The following MRPS6 variants were observed in gnomAD, a reference collection of about 807,000 sequenced individuals.
MRPS6 encodes the protein mitochondrial ribosomal protein S6.
In MRPS6, 6 loss-of-function variants were observed where a neutral mutation model predicts 13.1. The ratio of observed to expected loss-of-function variants is 0.46; its 90% CI spans 0.25 to 0.91. The LOEUF (loss-of-function observed/expected upper bound fraction) is 0.91, where lower values mean the gene tolerates loss of function less well. MRPS6 is among the 40% of genes least tolerant of loss of function. MRPS6 has a pLI of 0.18. For missense variants in MRPS6, 164 were observed against 155.6 expected (o/e 1.05, Z -0.29); for synonymous variants, 61 against 56.5 (o/e 1.08, Z -0.36).
chr21:34,073,795 G>T, intron 1 of MRPS6, 50 bp downstream of exon 1: 6 of 1,366,544 alleles, frequency 4.4e-6, no homozygotes, highest in Non-Finnish European at 5.8e-6. Flanking sequence ...CGCCCCCGCT[G>T]CCGCTAGGCC....
Position 34,107,325 on chromosome 21 carries a change from CTA to C in MRPS6, c.46-18014_46-18013del, listed in dbSNP as rs533210545. ...CTGTTCCCTCATGATTAGATTCACA[CTA>C]TGCATTTTTGGCAGAAATACAAAAG... is the stretch of plus-strand genomic sequence containing the variant. On this transcript the variant is annotated intron_variant, in intron 1 of 2. Coordinates refer to ENST00000399312, the MANE Select transcript of MRPS6 (RefSeq NM_032476.4). Among the ~76,000 whole-genome samples the C allele has an allele frequency of 1.6e-3, 249 of 152,320 alleles. 2 individuals carry two copies. The highest frequency in any genetic ancestry group is 5.8e-3 in the African/African-American group (240 of 41,574).
chr21:34,142,669 A>T lies in MRPS6; in HGVS notation c.*69A>T, dbSNP rs1980945779. The T allele has an allele frequency of 6.8e-7, 1 of 1,460,226 alleles. No homozygotes were observed. Among genetic ancestry groups the T allele is most frequent in the Non-Finnish European group, 9.0e-7 (1 of 1,111,186 alleles). The allele number at this position is 1,460,226 out of a possible 1,614,324, so 90.5% of individuals were successfully genotyped here. Reference sequence around the variant, plus strand: ...TTGGGCAGCATGGACGAGAAGGAAGAATTTGCAAGTTTGGCCTTTATATAA... The same window carrying T: ...TTGGGCAGCATGGACGAGAAGGAAGTATTTGCAAGTTTGGCCTTTATATAA... On this transcript the variant is annotated 3_prime_UTR_variant, in exon 3 of 3. Coordinates refer to ENST00000399312, the MANE Select transcript of MRPS6 (RefSeq NM_032476.4).
intron 2 of MRPS6, among the ~76,000 whole-genome samples, chr21:34,141,204 A>G (rs1980896058): frequency 6.6e-6 from 1 of 152,180 alleles, no homozygotes; most frequent in Non-Finnish European, 1.5e-5. Flanking sequence ...GCTAGGGTTA[A>G]CACCAGAGCC....
intron 1 of MRPS6, among the ~76,000 whole-genome samples, chr21:34,085,769 A>AT (rs1160917645): frequency 1.3e-5 from 2 of 151,922 alleles, no homozygotes; most frequent in African/African-American, 2.4e-5. Flanking sequence ...CACCCAGCTA[A>AT]TTTTTTGTAG....
chr21:34,078,213 T>G (rs1989379178), intron 1 of MRPS6, among the ~76,000 whole-genome samples: 1 of 152,152 alleles, frequency 6.6e-6, no homozygotes, highest in African/African-American at 2.4e-5. Flanking sequence ...TCTTTGTGTT[T>G]TATCTGCTTG....
intron 2 of MRPS6, among the ~76,000 whole-genome samples, chr21:34,140,793 TTG>T (rs142454389): frequency 0.011 from 1,710 of 152,320 alleles, 32 homozygotes; most frequent in South Asian, 0.08. Flanking sequence ...TTATTATGTA[TTG>T]TCTCTTTTTA....
chr21:34,127,876 T>C (rs1318214093), intron 2 of MRPS6, among the ~76,000 whole-genome samples: 1 of 152,232 alleles, frequency 6.6e-6, no homozygotes, highest in Non-Finnish European at 1.5e-5. Context: ...AGTGGTTTTA[T>C]TGGTTACACG....
At chr21:34,107,355 A>G (rs752539518) in intron 1 of MRPS6, among the ~76,000 whole-genome samples, 2 of 152,202 alleles carry the variant, frequency 1.3e-5, no homozygotes, top group Non-Finnish European at 2.9e-5. Flanking sequence ...TACAAAAGTG[A>G]TGCTACATCC....
At chr21:34,101,628 A>G (rs1429277582) in intron 1 of MRPS6, 1 of 1,000,012 alleles carries the variant, frequency 1.0e-6, no homozygotes, top group Non-Finnish European at 1.2e-6. Flanking sequence ...AGCAAATTCA[A>G]ATTTTGATTT....
At chr21:34,118,076 T>A (rs1281276854) in intron 1 of MRPS6, among the ~76,000 whole-genome samples, 1 of 152,160 alleles carries the variant, frequency 6.6e-6, no homozygotes, top group Non-Finnish European at 1.5e-5. Flanking sequence ...TTTGGGGTAT[T>A]TTTGTTTTTG....
chr21:34,099,044 A>AT (rs1406909593), intron 1 of MRPS6: 10 of 990,970 alleles, frequency 1.0e-5, no homozygotes, highest in Non-Finnish European at 1.2e-5. Flanking sequence ...GATGGACTTG[A>AT]TTAGTCCAAA....
At chr21:34,129,723 T>C (rs1307957134) in intron 2 of MRPS6, among the ~76,000 whole-genome samples, 4 of 152,160 alleles carry the variant, frequency 2.6e-5, no homozygotes, top group African/African-American at 7.2e-5. Flanking sequence ...GTTTTCCCGT[T>C]AGCTAACATT....
chr21:34,110,731 T>TA (rs1979663857), intron 1 of MRPS6, among the ~76,000 whole-genome samples: 1 of 152,202 alleles, frequency 6.6e-6, no homozygotes, highest in Non-Finnish European at 1.5e-5. Flanking sequence ...TTTTTGTCAA[T>TA]ACGTGTTTGT....
chr21:34,079,457 A>G (rs956992975), intron 1 of MRPS6, among the ~76,000 whole-genome samples: 2 of 151,592 alleles, frequency 1.3e-5, no homozygotes, highest in Non-Finnish European at 2.9e-5. Context: ...TTTTTTTGAG[A>G]CAGAGTCTTG....
intron 1 of MRPS6, chr21:34,103,437 A>G (rs1222808001): frequency 3.0e-6 from 3 of 998,288 alleles, no homozygotes; most frequent in African/African-American, 1.8e-5. Context: ...TTTTATATCC[A>G]TTAAAAACTT....
chr21:34,103,386 C>G, intron 1 of MRPS6: 1 of 995,566 alleles, frequency 1.0e-6, no homozygotes, highest in Non-Finnish European at 1.2e-6. Flanking sequence ...TCAGTGAAAC[C>G]AGGTAGTTCT....
chr21:34,113,057 G>T lies in MRPS6; in HGVS notation c.46-12284G>T, dbSNP rs139466144. On this transcript the variant is annotated intron_variant, in intron 1 of 2. Coordinates refer to ENST00000399312, the MANE Select transcript of MRPS6 (RefSeq NM_032476.4). ...CACATTGAGATATCACCTCATGTCT[G>T]TCAGGATGGCTATTATGAAAAAGAC... Among the ~76,000 whole-genome samples the T allele has an allele frequency of 7.0e-4, 106 of 152,274 alleles. No individual in the cohort carries two copies. The Middle Eastern group carries it at 0.017, about 24-fold the overall frequency.
intron 1 of MRPS6, chr21:34,123,573 T>C (rs1408112207): frequency 6.6e-6 from 1 of 152,004 alleles, no homozygotes; most frequent in Non-Finnish European, 1.5e-5. Context: ...AGATAAAATA[T>C]GTAACAATAA....
In MRPS6 at chr21:34,142,639, C is replaced by A; in HGVS notation, c.*39C>A. On this transcript the variant is annotated 3_prime_UTR_variant, in exon 3 of 3. Coordinates refer to ENST00000399312, the MANE Select transcript of MRPS6 (RefSeq NM_032476.4). ...ATTTTAGCCTTATATGTAATTCCTTCACATTTGGGCAGCATGGACGAGAAG... is the reference window on the plus strand; with the variant it reads ...ATTTTAGCCTTATATGTAATTCCTTAACATTTGGGCAGCATGGACGAGAAG... The A allele has an allele frequency of 6.5e-7, 1 of 1,530,808 alleles. No individual in the cohort carries two copies. The highest frequency in any genetic ancestry group is 1.3e-5 in the South Asian group (1 of 75,658). The allele number at this position is 1,530,808 out of a possible 1,614,324, so 94.8% of individuals were successfully genotyped here.
Sources: gnomAD v4.1 joint callset for allele counts (sites outside exome capture counted in the v4.1 genomes callset) on GRCh38, gnomAD v4.1.1 for gene constraint, MANE v1.5 for transcripts, NCBI Gene and HGNC (gene_info 2026-07-23, HGNC 2026-07-21) for gene names.